The following AATK variants were observed in gnomAD, a reference collection of about 807,000 sequenced individuals.
AATK encodes lemur tail kinase 1.
Under a neutral mutation model 114.3 loss-of-function variants are expected in AATK, and 91 were observed. The observed-to-expected ratio is 0.80, with a 90% CI of 0.67 to 0.95. The LOEUF (loss-of-function observed/expected upper bound fraction) is 0.95. Among genes scored for constraint, AATK ranks in the 40% least tolerant of loss-of-function variants. The probability of loss-of-function intolerance (pLI) is 0.00; values close to 1 mark genes in which losing one functional copy is unlikely to be tolerated. For synonymous variants in AATK, 1,075 were observed against 916.5 expected, an observed-to-expected ratio of 1.17 and a Z score of -3.12; for missense variants, 2,176 against 1,965.2, an observed-to-expected ratio of 1.11 and a Z score of -2.03.
chr17:81,138,775 GCA>G (rs1567818298), intron 1 of AATK, among the ~76,000 whole-genome samples: 3 of 128,006 alleles, frequency 2.3e-5, no homozygotes, highest in South Asian at 2.8e-4. Context: ...CCACATGCAC[GCA>G]CACACCCATG....
intron 3 of AATK, 170 bp from the exon 4 acceptor site, chr17:81,128,719 A>G: frequency 7.0e-7 from 1 of 1,428,326 alleles, no homozygotes; most frequent in Non-Finnish European, 9.2e-7. Context: ...GTCTCTTGAG[A>G]GCAGGGGCCG....
intron 1 of AATK, among the ~76,000 whole-genome samples, chr17:81,152,547 G>A (rs989743785): frequency 3.9e-5 from 6 of 152,178 alleles, no homozygotes; most frequent in Non-Finnish European, 7.3e-5. Context: ...TTGCACCAGT[G>A]CACTCCAGCT....
At chr17:81,150,455 C>T (rs1157726683) in intron 1 of AATK, among the ~76,000 whole-genome samples, 1 of 149,680 alleles carries the variant, frequency 6.7e-6, no homozygotes, top group East Asian at 2.0e-4. Context: ...TCAGTACCCC[C>T]GGCAGCTCAC....
chr17:81,152,968 G>A (rs1020851272), intron 1 of AATK, among the ~76,000 whole-genome samples: 3 of 151,624 alleles, frequency 2.0e-5, no homozygotes, highest in African/African-American at 4.8e-5. Flanking sequence ...TCAGTCTCCC[G>A]AGTAGCAAGG....
rs773490833 is a variant in AATK at position 81,120,694 on chromosome 17, G to A, written c.3242C>T (p.Pro1081Leu). Residue 1081 changes from proline to leucine, a missense_variant, in exon 11 of 14, where the codon CCG (proline) becomes CTG (leucine). Pro to Leu is a moderately conservative substitution (Grantham distance 98, BLOSUM62 -3). Transcript: ENST00000326724. The part of the protein sequence containing the change: ...TCPSGLVPEP[P>L]EPQGPAKVRP... ...CACCTTGGCTGGGCCTTGGGGCTCC[G>A]GAGGCTCTGGGACCAGGCCCGAGGG... The A allele has an allele frequency of 9.9e-6, 15 of 1,517,796 alleles. No individual in the cohort carries two copies. The highest frequency in any genetic ancestry group is 4.7e-5 in the East Asian group (2 of 42,642). 94.0% of individuals were successfully genotyped at this position (1,517,796 alleles called of 1,614,324 possible). A position where few individuals can be genotyped will look rare whatever the true frequency, so the allele number is the denominator to read the frequency against.
Position 81,125,376 on chromosome 17 carries a change from T to A in AATK, c.756-362A>T, listed in dbSNP as rs530246263. Reference sequence around the variant, plus strand: ...CTCTCCTCCTAGCTCTACTACACTATCACTCTCGGCTCCCCAGGAGGTGGG... The same window carrying A: ...CTCTCCTCCTAGCTCTACTACACTAACACTCTCGGCTCCCCAGGAGGTGGG... On this transcript the variant is annotated intron_variant, in intron 7 of 13. Coordinates refer to ENST00000326724, the MANE Select transcript of AATK (RefSeq NM_001080395.3). The A allele has an allele frequency of 1.4e-5, 8 of 591,528 alleles. No homozygotes were observed. The East Asian group carries it at 3.1e-4, about 23-fold the overall frequency. 36.6% of individuals were successfully genotyped at this position (591,528 alleles called of 1,614,324 possible). A position where few individuals can be genotyped will look rare whatever the true frequency, so the allele number is the denominator to read the frequency against.
rs1444762472 is a variant in AATK, at chr17:81,120,804, G to A, written c.3132C>T (p.Ser1044=). The A allele has an allele frequency of 5.7e-6, 9 of 1,570,196 alleles. No homozygotes were observed. Among genetic ancestry groups the A allele is most frequent in the East Asian group, 2.4e-5 (1 of 42,280 alleles). ...SEQVCLRPGV[S]GEAQGSGPGE... is the part of the protein sequence containing the mutation. The stretch of plus-strand genomic sequence containing the variant: ...CGGGGCCAGAGCCTTGTGCCTCCCC[G>A]GAAACCCCAGGCCTGAGACAGACCT... Residue 1044 remains serine (S), a synonymous_variant, in exon 11 of 14, where the codon TCC becomes TCT. Transcript: ENST00000326724.
intron 12 of AATK, 23 bp from the exon 13 acceptor site, chr17:81,119,603 ACT>A (rs751215666): frequency 6.5e-7 from 1 of 1,538,290 alleles, no homozygotes; most frequent in Non-Finnish European, 8.7e-7. Context: ...TCGCGGCGTC[ACT>A]CGCGCTCACA....
intron 1 of AATK, among the ~76,000 whole-genome samples, chr17:81,144,940 G>A (rs8071453): frequency 1.8e-3 from 270 of 152,304 alleles, no homozygotes; most frequent in African/African-American, 6.3e-3. Flanking sequence ...TCCATGAAAA[G>A]CCTGACTTCA....
At chr17:81,160,755 C>T (rs981283592) in intron 1 of AATK, among the ~76,000 whole-genome samples, 2 of 152,230 alleles carry the variant, frequency 1.3e-5, no homozygotes, top group African/African-American at 2.4e-5. Flanking sequence ...CTTGCCCTGG[C>T]GTGCACAGAG....
chr17:81,160,033 G>A (rs772629458), intron 1 of AATK, among the ~76,000 whole-genome samples: 7 of 152,146 alleles, frequency 4.6e-5, no homozygotes, highest in African/African-American at 1.7e-4. Flanking sequence ...GCCCTGGCTC[G>A]GGGTAGCATC....
Position 81,122,002 on chromosome 17 carries a change from G to A in AATK, c.1934C>T (p.Thr645Met), listed in dbSNP as rs1342690620. ...CPAFFEDPLG[T>M]SPLGSSGAPP... ...CGCCCCTGAGCTCCCCAAAGGGGAC[G>A]TGCCCAGTGGGTCCTCGAAGAAGGC... The change falls in exon 11 of 14, where the codon ACG becomes ATG. Residue 645 changes from threonine (T) to methionine (M), a missense_variant. Transcript: ENST00000326724. The A allele has an allele frequency of 8.1e-6, 13 of 1,601,650 alleles. No individual in the cohort carries two copies. In the East Asian group the frequency reaches 1.1e-4, roughly 14 times the overall value.
chr17:81,152,694 A>G (rs1386603846), intron 1 of AATK, among the ~76,000 whole-genome samples: 1 of 152,208 alleles, frequency 6.6e-6, no homozygotes, highest in Non-Finnish European at 1.5e-5. Flanking sequence ...CCTTCCTGTT[A>G]CAAAGCACAC....
At chr17:81,123,698 G>A (rs897928212) in intron 9 of AATK, among the ~76,000 whole-genome samples, 2 of 151,534 alleles carry the variant, frequency 1.3e-5, no homozygotes, top group South Asian at 2.1e-4. Flanking sequence ...AGCCCAAAGC[G>A]GAGTAGGGCC....
chr17:81,162,059 T>C (rs572010269), intron 1 of AATK, among the ~76,000 whole-genome samples: 3 of 151,932 alleles, frequency 2.0e-5, no homozygotes, highest in Admixed American at 6.5e-5. Flanking sequence ...TGCCTGGGAG[T>C]GTGGGGCCTC....
intron 10 of AATK, 94 bp downstream of exon 10, chr17:81,123,100 G>C (rs1384990074): frequency 7.6e-7 from 1 of 1,324,270 alleles, no homozygotes; most frequent in Non-Finnish European, 9.7e-7. Flanking sequence ...GGCAGGGCTG[G>C]AACGCCAGGG....
chr17:81,121,035 G>C lies in AATK; in HGVS notation c.2901C>G (p.Ala967=). The part of the protein sequence containing the change: ...GCEPQAFAEL[A]SEGEGPGPET... ...CGGGCCCGGGGCCCTCACCCTCTGA[G>C]GCCAGCTCCGCAAAGGCCTGGGGCT... The change falls in exon 11 of 14, where the codon GCC becomes GCG. Residue 967 remains alanine, a synonymous_variant. Transcript: ENST00000326724. 1 of 1,609,616 alleles carries C rather than the reference G, an allele frequency of 6.2e-7. No individual in the cohort carries two copies. The highest frequency in any genetic ancestry group is 8.5e-7 in the Non-Finnish European group (1 of 1,178,698).
In AATK at chr17:81,143,839, C is replaced by T. The variant is rs138920868; in HGVS notation, c.56-9338G>A. The stretch of plus-strand genomic sequence containing the variant: ...CCCGGGGCTCCAGGCTCTGCTCACC[C>T]GTCGGGTGTGCCTGGCATGCATGCC... On this transcript the variant is annotated intron_variant, in intron 1 of 13. Coordinates refer to ENST00000326724, the MANE Select transcript of AATK (RefSeq NM_001080395.3). Among the ~76,000 whole-genome samples, 18 of 152,370 alleles carry T rather than the reference C, an allele frequency of 1.2e-4. No homozygotes were observed. The East Asian group carries it at 2.5e-3, about 21-fold the overall frequency.
At chr17:81,130,633 A>T in intron 3 of AATK, among the ~76,000 whole-genome samples, 1 of 152,124 alleles carries the variant, frequency 6.6e-6, no homozygotes. Context: ...AGGGGGCAGG[A>T]ATCTGGGGTC....
Sources: allele counts gnomAD v4.1 joint callset (sites outside exome capture counted in the v4.1 genomes callset), GRCh38; gene constraint gnomAD v4.1.1; transcripts MANE v1.5; gene names NCBI Gene and HGNC (gene_info 2026-07-23, HGNC 2026-07-21).